Variants in VPS41 observed in about 807,000 individuals in gnomAD.
VPS41 encodes vacuolar protein sorting-associated protein 41 homolog.
Under a neutral mutation model 130.9 loss-of-function variants are expected in VPS41, and 85 were observed. The ratio of observed to expected loss-of-function variants is 0.65; its 90% confidence interval spans 0.55 to 0.78. The LOEUF (loss-of-function observed/expected upper bound fraction) is 0.78. Ranked by LOEUF, VPS41 falls within the 30% of genes least tolerant of loss-of-function variation. The pLI is 0.00. For synonymous variants in VPS41, 335 were observed against 332.9 expected, an observed-to-expected ratio of 1.01 and a Z score of -0.07; for missense variants, 874 against 1,018.7, an observed-to-expected ratio of 0.86 and a Z score of 1.93.
intron 2 of VPS41, among the ~76,000 whole-genome samples, chr7:38,897,783 G>T (rs1163368058): frequency 6.6e-6 from 1 of 152,190 alleles, no homozygotes; most frequent in South Asian, 2.1e-4. Context: ...AAAAGCAGGT[G>T]AGGGGGATGT....
chr7:38,885,678 A>G (rs1031064146), intron 2 of VPS41, among the ~76,000 whole-genome samples: 1 of 152,228 alleles, frequency 6.6e-6, no homozygotes, highest in East Asian at 1.9e-4. Flanking sequence ...TATTGAAGCA[A>G]TTGAGTCTTC....
At chr7:38,745,884 A>C in intron 22 of VPS41, 2 of 361,550 alleles carry the variant, frequency 5.5e-6, no homozygotes, top group Non-Finnish European at 9.8e-6. Flanking sequence ...CCAAATGAAA[A>C]GAAAGGGCCT....
At chr7:38,906,331 G>GT (rs1787260461) in intron 1 of VPS41, among the ~76,000 whole-genome samples, 1 of 137,714 alleles carries the variant, frequency 7.3e-6, no homozygotes, top group Non-Finnish European at 1.7e-5. Context: ...CAGACTGCTG[G>GT]GTTTTTTTTT....
At chr7:38,799,888 C>A (rs778723774) in intron 7 of VPS41, among the ~76,000 whole-genome samples, 1 of 151,790 alleles carries the variant, frequency 6.6e-6, no homozygotes, top group African/African-American at 2.4e-5. Context: ...AAAGACGAAT[C>A]AAAATGATAT....
chr7:38,868,868 C>T (rs1786284944), intron 3 of VPS41, among the ~76,000 whole-genome samples: 1 of 152,092 alleles, frequency 6.6e-6, no homozygotes, highest in South Asian at 2.1e-4. Flanking sequence ...ATTAAGTGAG[C>T]GACAGAGTTG....
At chr7:38,867,427 C>A (rs1463984771) in intron 3 of VPS41, among the ~76,000 whole-genome samples, 3 of 151,988 alleles carry the variant, frequency 2.0e-5, no homozygotes, top group African/African-American at 7.2e-5. Flanking sequence ...TGCCTGTAAT[C>A]CCAGCTACTT....
intron 4 of VPS41, 90 bp from the exon 5 acceptor site, chr7:38,830,418 CT>C (rs1192334598): frequency 1.2e-6 from 1 of 825,052 alleles, no homozygotes; most frequent in African/African-American, 1.7e-5. Flanking sequence ...ATAGTAAGCT[CT>C]TTGTTTTCTT....
At chr7:38,878,766 G>C (rs981221211) in intron 2 of VPS41, among the ~76,000 whole-genome samples, 1 of 152,140 alleles carries the variant, frequency 6.6e-6, no homozygotes, top group Non-Finnish European at 1.5e-5. Flanking sequence ...AAATACAAAG[G>C]TTTCTTTACC....
chr7:38,746,967 G>A lies in VPS41; in HGVS notation c.1927-1354C>T, dbSNP rs549886858. On this transcript the variant is annotated intron_variant, in intron 22 of 28. Transcript: ENST00000310301. ...CCCCGCGGCATGGTGCTCTCAGCAGGGCCACTCCACCAACACTTCCACGTG... is the reference window on the plus strand; with the variant it reads ...CCCCGCGGCATGGTGCTCTCAGCAGAGCCACTCCACCAACACTTCCACGTG... Among the ~76,000 whole-genome samples, 350 of 152,208 alleles carry A rather than the reference G, an allele frequency of 2.3e-3. 3 individuals carry two copies. Among genetic ancestry groups the A allele is most frequent in the African/African-American group, 8.0e-3 (332 of 41,516 alleles).
chr7:38,750,662 C>T (rs944001844), intron 22 of VPS41, among the ~76,000 whole-genome samples: 2 of 152,068 alleles, frequency 1.3e-5, no homozygotes, highest in African/African-American at 4.8e-5. Flanking sequence ...TCTGCTGCTC[C>T]CTACTGGGTG....
chr7:38,792,839 T>A lies in VPS41; in HGVS notation c.717+2626A>T, dbSNP rs569188796. ...ACACCCTCCCCGACCCCCACTTACA[T>A]CCCTCTCCTCCACATCTGCTCCACT... On this transcript the variant is annotated intron_variant, in intron 9 of 28. Transcript: ENST00000310301. 7.7e-4 allele frequency among the ~76,000 whole-genome samples: 117 copies of A among 151,738 alleles called. 1 individual carries two copies. The highest frequency in any genetic ancestry group is 1.6e-3 in the Admixed American group (25 of 15,232).
chr7:38,840,258 T>C (rs983907340), intron 4 of VPS41, among the ~76,000 whole-genome samples: 3 of 152,196 alleles, frequency 2.0e-5, no homozygotes, highest in African/African-American at 7.2e-5. Flanking sequence ...TGTTGTTATG[T>C]TTTTATTTTT....
intron 2 of VPS41, among the ~76,000 whole-genome samples, chr7:38,876,608 G>A (rs1186585329): frequency 6.6e-6 from 1 of 152,054 alleles, no homozygotes; most frequent in East Asian, 1.9e-4. Flanking sequence ...TATAAAAACG[G>A]TTCAACATCC....
At chr7:38,791,157 G>A (rs531997998) in intron 9 of VPS41, among the ~76,000 whole-genome samples, 66 of 152,198 alleles carry the variant, frequency 4.3e-4, no homozygotes, top group Admixed American at 2.4e-3. Flanking sequence ...TCTCTTGTCC[G>A]TTTCATATAA....
At chr7:38,786,782 A>G (rs144225076) in intron 10 of VPS41, among the ~76,000 whole-genome samples, 4 of 152,282 alleles carry the variant, frequency 2.6e-5, no homozygotes, top group African/African-American at 9.6e-5. Flanking sequence ...CATCATTTCT[A>G]TTGAGACTCA....
intron 15 of VPS41, 114 bp downstream of exon 15, chr7:38,767,423 G>A (rs1459943596): frequency 2.1e-5 from 11 of 534,982 alleles, no homozygotes; most frequent in South Asian, 8.6e-5. Flanking sequence ...AATTACCCTC[G>A]TTAGAAAGAT....
At chr7:38,747,616 CAA>C (rs1157299109) in intron 22 of VPS41, among the ~76,000 whole-genome samples, 5 of 152,338 alleles carry the variant, frequency 3.3e-5, no homozygotes, top group South Asian at 4.1e-4. Context: ...TCTCAAACCA[CAA>C]AAGAGTTTGC....
At chr7:38,790,653 G>A (rs1253515073) in intron 9 of VPS41, among the ~76,000 whole-genome samples, 3 of 152,186 alleles carry the variant, frequency 2.0e-5, no homozygotes, top group Admixed American at 2.0e-4. Flanking sequence ...AGGAGGATGT[G>A]CATAGGTTAT....
chr7:38,860,818 C>T (rs1304884818), intron 4 of VPS41, among the ~76,000 whole-genome samples: 1 of 151,830 alleles, frequency 6.6e-6, no homozygotes, highest in African/African-American at 2.4e-5. Flanking sequence ...GGCAGACATA[C>T]GCTTGGCTTC....
Sources: gnomAD v4.1 joint callset for allele counts (sites outside exome capture counted in the v4.1 genomes callset) on GRCh38, gnomAD v4.1.1 for gene constraint, MANE v1.5 for transcripts, NCBI Gene and HGNC (gene_info 2026-07-23, HGNC 2026-07-21) for gene names.